ZNF407: variants seen among roughly 807,000 people sequenced by gnomAD.
ZNF407 encodes zinc finger protein 407.
ZNF407 carries 17 observed loss-of-function variants against 131.2 expected under a neutral mutation model. The ratio of observed to expected loss-of-function variants is 0.13; its 90% CI spans 0.09 to 0.19. The LOEUF is 0.19. ZNF407 is among the 10% of genes least tolerant of loss of function. The pLI, the probability that ZNF407 is intolerant of heterozygous loss-of-function variation, is 1.00. For synonymous variants in ZNF407, 1,156 were observed against 1,062.0 expected (o/e 1.09, Z -1.72); for missense variants, 2,681 against 2,830.6 (o/e 0.95, Z 1.20).
Position 74,960,002 on chromosome 18 carries a change from A to G in ZNF407, c.5428+39310A>G, listed in dbSNP as rs1181017858. Among the ~76,000 whole-genome samples the G allele has an allele frequency of 2.6e-5, 4 of 152,332 alleles. No homozygotes were observed. The East Asian group carries it at 5.8e-4, about 22-fold the overall frequency. On this transcript the variant is annotated intron_variant, in intron 8 of 8. Transcript: ENST00000299687. ...GTATAACTCATTTAACCAGTTACTA[A>G]TATCACAAGTGCTTTCACCCCATTT...
intron 8 of ZNF407, among the ~76,000 whole-genome samples, chr18:75,006,970 A>G (rs1972918373): frequency 6.6e-6 from 1 of 152,034 alleles, no homozygotes; most frequent in East Asian, 1.9e-4. Flanking sequence ...CTAAAAGTCT[A>G]TTCTGTTGCA....
chr18:74,756,734 T>C (rs1295400027), intron 3 of ZNF407, among the ~76,000 whole-genome samples: 1 of 20,852 alleles, frequency 4.8e-5, no homozygotes, highest in East Asian at 1.8e-3. Flanking sequence ...TGTGAATATG[T>C]CTTTGTAGAA....
chr18:75,037,866 G>A (rs1599306384), intron 8 of ZNF407, among the ~76,000 whole-genome samples: 1 of 152,094 alleles, frequency 6.6e-6, no homozygotes, highest in Non-Finnish European at 1.5e-5. Context: ...GGGGGCACGT[G>A]CTCATTGCTC....
chr18:74,863,846 A>G (rs1321035501), intron 4 of ZNF407, among the ~76,000 whole-genome samples: 2 of 152,174 alleles, frequency 1.3e-5, no homozygotes, highest in Non-Finnish European at 2.9e-5. Flanking sequence ...TGCTGTTACT[A>G]TTCCACCACC....
At chr18:74,813,521 GCCACTGGGGTT>G (rs1970227300) in intron 4 of ZNF407, among the ~76,000 whole-genome samples, 3 of 152,146 alleles carry the variant, frequency 2.0e-5, no homozygotes, top group Admixed American at 1.3e-4. Context: ...GACCTGCTTT[GCCACTGGGGTT>G]CCTCCAGTTT....
chr18:74,934,791 G>A (rs1404512254), intron 8 of ZNF407, among the ~76,000 whole-genome samples: 2 of 152,250 alleles, frequency 1.3e-5, no homozygotes, highest in African/African-American at 2.4e-5. Context: ...GGGCGACAGA[G>A]CGAGACTCGG....
At chr18:74,880,457 T>C (rs1455918512) in intron 5 of ZNF407, among the ~76,000 whole-genome samples, 1 of 152,202 alleles carries the variant, frequency 6.6e-6, no homozygotes, top group Non-Finnish European at 1.5e-5. Context: ...ATAAACAGCA[T>C]TGAATTGCTA....
intron 4 of ZNF407, among the ~76,000 whole-genome samples, chr18:74,782,836 G>A (rs1160762786): frequency 6.6e-6 from 1 of 152,046 alleles, no homozygotes; most frequent in Non-Finnish European, 1.5e-5. Flanking sequence ...GGCCAGGATG[G>A]TCTCAATCTC....
intron 8 of ZNF407, among the ~76,000 whole-genome samples, chr18:75,050,702 T>G (rs1360763898): frequency 6.6e-6 from 1 of 152,214 alleles, no homozygotes. Flanking sequence ...ACGGATCAGT[T>G]TGCCCTTTGC....
chr18:74,912,424 G>T (rs1971686866), intron 7 of ZNF407, among the ~76,000 whole-genome samples: 1 of 151,992 alleles, frequency 6.6e-6, no homozygotes, highest in Admixed American at 6.5e-5. Context: ...CCTGCTACCT[G>T]GTTCATTGTG....
intron 3 of ZNF407, among the ~76,000 whole-genome samples, chr18:74,688,348 C>T (rs1345137378): frequency 2.6e-5 from 4 of 152,172 alleles, no homozygotes. Flanking sequence ...AGATATCTCT[C>T]TGGATGCATT....
At position 75,038,302 on chromosome 18, in the gene ZNF407, A is replaced by C. The variant is rs75620520; in HGVS notation, c.5429-24848A>C. ...GCTCCCAGGAGCTGGATGGGTAACC[A>C]ACAAAGCAGAAACTTCCCCATAGTG... is the stretch of plus-strand genomic sequence containing the variant. On this transcript the variant is annotated intron_variant, in intron 8 of 8. Coordinates refer to ENST00000299687, the MANE Select transcript of ZNF407 (RefSeq NM_017757.3). 8.7e-3 allele frequency among the ~76,000 whole-genome samples: 1,321 copies of C among 152,370 alleles called. 25 individuals carry two copies. The highest frequency in any genetic ancestry group is 0.03 in the African/African-American group (1,227 of 41,582).
chr18:74,712,914 TGGTG>T (rs1000641301), intron 3 of ZNF407, among the ~76,000 whole-genome samples: 9 of 152,122 alleles, frequency 5.9e-5, no homozygotes, highest in African/African-American at 2.2e-4. Context: ...AGTCAGGGTT[TGGTG>T]GGAGAAAAAT....
chr18:74,811,244 C>T (rs1238301368), intron 4 of ZNF407, among the ~76,000 whole-genome samples: 1 of 152,184 alleles, frequency 6.6e-6, no homozygotes, highest in Non-Finnish European at 1.5e-5. Context: ...CAAAAGAAGA[C>T]ATTTATGCAG....
chr18:74,978,036 G>A (rs1432243811), intron 8 of ZNF407, among the ~76,000 whole-genome samples: 1 of 151,966 alleles, frequency 6.6e-6, no homozygotes. Flanking sequence ...TGCACTTATG[G>A]CACCTTTTGT....
In ZNF407 at chr18:75,064,487, T is replaced by C; in HGVS notation, c.*19T>C. The stretch of plus-strand genomic sequence containing the variant: ...AGCATGAGACGCGCGGCACCTTTAC[T>C]CAGCACAGGGCAGGTGTGGGAAGGT... On this transcript the variant is annotated 3_prime_UTR_variant, in exon 9 of 9. Coordinates refer to ENST00000299687, the MANE Select transcript of ZNF407 (RefSeq NM_017757.3). 1 of 1,463,588 alleles carries C rather than the reference T, an allele frequency of 6.8e-7. No individual in the cohort carries two copies. Among genetic ancestry groups the C allele is most frequent in the Non-Finnish European group, 9.1e-7 (1 of 1,102,994 alleles). 90.7% of individuals were successfully genotyped at this position (1,463,588 alleles called of 1,614,324 possible). A position where few individuals can be genotyped will look rare whatever the true frequency, so the allele number is the denominator to read the frequency against.
chr18:74,695,144 T>TTCTTCTTTG (rs1967320781), intron 3 of ZNF407, among the ~76,000 whole-genome samples: 1 of 152,248 alleles, frequency 6.6e-6, no homozygotes, highest in Non-Finnish European at 1.5e-5. Flanking sequence ...CTATTGTTGA[T>TTCTTCTTTG]TCTTCTTTGT....
At chr18:74,725,396 A>G (rs192530441) in intron 3 of ZNF407, among the ~76,000 whole-genome samples, 1 of 152,370 alleles carries the variant, frequency 6.6e-6, no homozygotes, top group African/African-American at 2.4e-5. Flanking sequence ...AAACTATTTT[A>G]TATAGATTCA....
At chr18:74,881,932 A>G (rs144826000) in intron 6 of ZNF407, among the ~76,000 whole-genome samples, 244 of 152,342 alleles carry the variant, frequency 1.6e-3, no homozygotes, top group Middle Eastern at 0.014. Context: ...TGAAAGGCAC[A>G]TCTTACATGG....
Sources: gnomAD v4.1 joint callset for allele counts (sites outside exome capture counted in the v4.1 genomes callset) on GRCh38, gnomAD v4.1.1 for gene constraint, MANE v1.5 for transcripts, NCBI Gene and HGNC (gene_info 2026-07-23, HGNC 2026-07-21) for gene names.